The following NDRG4 variants were observed in gnomAD, a reference collection of about 807,000 sequenced individuals.
The protein encoded by NDRG4 is NDRG family member 4.
NDRG4 carries 38 observed loss-of-function variants against 55.8 expected under a neutral mutation model. That is an observed-to-expected ratio of 0.68 (90% CI 0.53 to 0.89). The LOEUF (loss-of-function observed/expected upper bound fraction) is 0.89, where lower values mean the gene tolerates loss of function less well. Ranked by LOEUF, NDRG4 falls within the 40% of genes least tolerant of loss-of-function variation. The pLI, the probability that NDRG4 is intolerant of heterozygous loss-of-function variation, is 0.00. For synonymous variants in NDRG4, 190 were observed against 182.7 expected (o/e 1.04, Z -0.32); for missense variants, 455 against 468.6 (o/e 0.97, Z 0.27).
chr16:58,513,027 C>G lies in NDRG4; in HGVS notation c.*1451C>G, dbSNP rs924321073. The G allele has an allele frequency of 1.3e-5, 2 of 152,680 alleles. No homozygotes were observed. Among genetic ancestry groups the G allele is most frequent in the African/African-American group, 2.4e-5 (1 of 41,432 alleles). The allele number at this position is 152,680 out of a possible 1,614,324, so 9.5% of individuals were successfully genotyped here. On this transcript the variant is annotated 3_prime_UTR_variant, in exon 15 of 15. Transcript: ENST00000570248. Reference sequence around the variant, plus strand: ...TGTTAGTTTCTGCCCAGTTCTACCCCCTCATGTGCTTCTTCTGAATACTGA... The same window carrying G: ...TGTTAGTTTCTGCCCAGTTCTACCCGCTCATGTGCTTCTTCTGAATACTGA...
chr16:58,475,949 A>G (rs1355774851), intron 1 of NDRG4, among the ~76,000 whole-genome samples: 1 of 152,182 alleles, frequency 6.6e-6, no homozygotes, highest in African/African-American at 2.4e-5. Context: ...GGTGCTGGCC[A>G]CCACACCTGG....
Position 58,511,911 on chromosome 16 carries a change from G to C in NDRG4, c.*335G>C, listed in dbSNP as rs1183266621. The C allele has an allele frequency of 1.1e-5, 5 of 451,032 alleles. No individual in the cohort carries two copies. The highest frequency in any genetic ancestry group is 9.9e-5 in the African/African-American group (5 of 50,664). The allele number at this position is 451,032 out of a possible 1,614,324, so 27.9% of individuals were successfully genotyped here. ...CCTGGGTGAGCCCTTGGGCAGGCATGTTTGGAGATGAGAGAGGCTTCGAGA... is the reference window on the plus strand; with the variant it reads ...CCTGGGTGAGCCCTTGGGCAGGCATCTTTGGAGATGAGAGAGGCTTCGAGA... On this transcript the variant is annotated 3_prime_UTR_variant, in exon 15 of 15. Transcript: ENST00000570248.
At chr16:58,501,094 C>T in intron 1 of NDRG4, 4 of 1,232,958 alleles carry the variant, frequency 3.2e-6, no homozygotes, top group Non-Finnish European at 3.0e-6. Context: ...CGGCCCCATT[C>T]TTCCTCAGGA....
At chr16:58,505,215 G>A (rs542084969) in intron 5 of NDRG4, among the ~76,000 whole-genome samples, 6 of 151,778 alleles carry the variant, frequency 4.0e-5, no homozygotes, top group South Asian at 2.1e-4. Context: ...CGGGCGTAGT[G>A]GCGGGCGCCT....
chr16:58,478,011 G>A (rs1443823535), intron 1 of NDRG4, among the ~76,000 whole-genome samples: 1 of 152,180 alleles, frequency 6.6e-6, no homozygotes, highest in Non-Finnish European at 1.5e-5. Flanking sequence ...TGCCAAAAAT[G>A]TATAACCTCA....
intron 1 of NDRG4, among the ~76,000 whole-genome samples, chr16:58,478,792 T>G (rs1338033935): frequency 6.7e-6 from 1 of 150,098 alleles, no homozygotes; most frequent in Non-Finnish European, 1.5e-5. Context: ...CTGGCAGTGG[T>G]TTTTTTTTCT....
At chr16:58,465,570 T>TG (rs2031452154) in intron 1 of NDRG4, among the ~76,000 whole-genome samples, 1 of 34,118 alleles carries the variant, frequency 2.9e-5, no homozygotes, top group Admixed American at 3.5e-4. Context: ...GGCTAGAAGG[T>TG]GGGGGTGGGG....
chr16:58,498,480 A>G (rs1331138290), upstream of NDRG4, among the ~76,000 whole-genome samples: 2 of 152,180 alleles, frequency 1.3e-5, no homozygotes, highest in Non-Finnish European at 2.9e-5. Flanking sequence ...CACTTTCTCC[A>G]AGGGCAGCCA....
At chr16:58,507,769 G>C in intron 8 of NDRG4, 39 bp from the exon 9 acceptor site, 1 of 1,603,830 alleles carries the variant, frequency 6.2e-7, no homozygotes, top group Non-Finnish European at 8.5e-7. Flanking sequence ...CTGTCCTGGG[G>C]TGCCCACCTC....
chr16:58,511,334 T>G, intron 14 of NDRG4, 88 bp from the exon 15 acceptor site: 1 of 1,435,328 alleles, frequency 7.0e-7, no homozygotes. Context: ...AACGGTTCGC[T>G]GGCCGCTTTG....
chr16:58,490,182 T>G (rs886586558), intron 2 of NDRG4, among the ~76,000 whole-genome samples: 1 of 152,158 alleles, frequency 6.6e-6, no homozygotes. Context: ...AGTTCTCCTG[T>G]GAGGTTTTGA....
In NDRG4 at chr16:58,464,260, G is replaced by A. The variant is rs1419822212; in HGVS notation, c.-24+463G>A. The A allele has an allele frequency of 1.7e-5, 8 of 472,346 alleles. No homozygotes were observed. The highest frequency in any genetic ancestry group is 1.1e-4 in the East Asian group (3 of 27,702). 29.3% of individuals were successfully genotyped at this position (472,346 alleles called of 1,614,324 possible). ...ATTTTTTTAAACCGTTTTGGAGGGG[G>A]GAGCGCGGCGTTGGGGGCGGGAGAG... On this transcript the variant is annotated intron_variant, in intron 1 of 15. Transcript: ENST00000258187. The surrounding 1 kb of genome is among the most constrained non-coding windows in gnomAD (Gnocchi z 4.8).
rs1156753729 is a variant in NDRG4 at position 58,464,484 on chromosome 16, C to G, written c.-24+687C>G. On this transcript the variant is annotated intron_variant, in intron 1 of 15. Coordinates refer to the NDRG4 transcript ENST00000258187. The surrounding 1 kb of genome is among the most constrained non-coding windows in gnomAD (Gnocchi z 4.8). ...TGCTCACAGGTACCGCCCGCCTGCCCCGCAGCCGGCCGCCACTTTCCGAGT... is the reference window on the plus strand; with the variant it reads ...TGCTCACAGGTACCGCCCGCCTGCCGCGCAGCCGGCCGCCACTTTCCGAGT... 2.3e-6 allele frequency: 3 copies of G among 1,311,326 alleles called. No homozygotes were observed. Among genetic ancestry groups the G allele is most frequent in the Admixed American group, 8.3e-5 (2 of 24,184 alleles). 81.2% of individuals were successfully genotyped at this position (1,311,326 alleles called of 1,614,324 possible).
intron 1 of NDRG4, among the ~76,000 whole-genome samples, chr16:58,473,192 C>G (rs1597067927): frequency 6.6e-6 from 1 of 152,276 alleles, no homozygotes; most frequent in African/African-American, 2.4e-5. Context: ...CAGGGTCTTA[C>G]TTTGTTGCCC....
At chr16:58,487,882 G>C in intron 2 of NDRG4, 1 of 1,473,260 alleles carries the variant, frequency 6.8e-7, no homozygotes, top group South Asian at 1.3e-5. Context: ...GAGGTCTTAG[G>C]GCCGAGCGCG....
At chr16:58,494,412 C>T (rs1375723105) in intron 2 of NDRG4, among the ~76,000 whole-genome samples, 1 of 152,208 alleles carries the variant, frequency 6.6e-6, no homozygotes, top group Non-Finnish European at 1.5e-5. Flanking sequence ...CCCTCCCTTC[C>T]TTCCACCCTT....
Position 58,509,348 on chromosome 16 carries a change from C to T in NDRG4, c.861C>T (p.Gly287=), listed in dbSNP as rs903879351. The part of the protein sequence containing the change: ...EAFKYFLQGM[G]YIAYLKDRRL... ...TCAAATACTTCCTGCAAGGCATGGG[C>T]TACAGTGAGTACATTTCCACCCCAC... is the stretch of plus-strand genomic sequence containing the variant. The change falls in exon 13 of 15, where the codon GGC becomes GGT. Residue 287 remains glycine (G), a synonymous_variant. Transcript: ENST00000570248. 6.2e-7 allele frequency: 1 copy of T among 1,613,624 alleles called. No individual in the cohort carries two copies. Among genetic ancestry groups the T allele is most frequent in the African/African-American group, 1.3e-5 (1 of 74,930 alleles).
intron 2 of NDRG4, among the ~76,000 whole-genome samples, chr16:58,489,998 C>A (rs757022602): frequency 1.4e-4 from 22 of 152,164 alleles, no homozygotes; most frequent in Non-Finnish European, 2.2e-4. Context: ...GCATGTGCCA[C>A]CACAACTGGC....
chr16:58,501,573 T>C, intron 1 of NDRG4: 1 of 160,998 alleles, frequency 6.2e-6, no homozygotes, highest in South Asian at 1.8e-4. Context: ...GATGTTTGGC[T>C]TCGATCAGGC....
Sources: allele counts gnomAD v4.1 joint callset (sites outside exome capture counted in the v4.1 genomes callset), GRCh38; gene constraint gnomAD v4.1.1; non-coding constraint Gnocchi (gnomAD v3.1); transcripts MANE v1.5; gene names NCBI Gene and HGNC (gene_info 2026-07-23, HGNC 2026-07-21).